The following CR1 variants were observed in gnomAD, a reference collection of about 807,000 sequenced individuals.
The protein encoded by CR1 is complement receptor type 1.
Under a neutral mutation model 187.3 loss-of-function variants are expected in CR1, and 116 were observed. The observed-to-expected ratio is 0.62, with a 90% CI of 0.53 to 0.72. The LOEUF is 0.72. Ranked by LOEUF, CR1 falls within the 30% of genes least tolerant of loss-of-function variation. The pLI is 0.00. For synonymous variants in CR1, 576 were observed against 747.1 expected (o/e 0.77, Z 3.73); for missense variants, 1,731 against 2,110.7 (o/e 0.82, Z 3.52).
intron 4 of CR1, among the ~76,000 whole-genome samples, chr1:207,515,315 TACAC>T (rs1558221057): frequency 8.0e-5 from 12 of 149,500 alleles, no homozygotes; most frequent in African/African-American, 2.9e-4. Flanking sequence ...TATATATATA[TACAC>T]ATATATATAG....
chr1:207,627,152 C>A (rs1428904137), intron 45 of CR1, among the ~76,000 whole-genome samples: 1 of 152,194 alleles, frequency 6.6e-6, no homozygotes, highest in Non-Finnish European at 1.5e-5. Context: ...AAATGCTCCT[C>A]AAGGAGGTCT....
In CR1 at chr1:207,619,776, T is replaced by C. The variant is rs1253250935; in HGVS notation, c.7067-104T>C. 6 of 950,856 alleles carry C rather than the reference T, an allele frequency of 6.3e-6. No homozygotes were observed. The East Asian group carries it at 1.6e-4, about 25-fold the overall frequency. The allele number at this position is 950,856 out of a possible 1,614,324, so 58.9% of individuals were successfully genotyped here. On this transcript the variant is annotated intron_variant, in intron 42 of 46. Coordinates refer to ENST00000367049, the MANE Select transcript of CR1 (RefSeq NM_000651.6). ...ACATGTTTAAAAACATGCTTCCTCT[T>C]AGCCAAGGGCAAAATAGGTTTTGGC...
At chr1:207,608,679 G>A (rs1056216776) in intron 36 of CR1, among the ~76,000 whole-genome samples, 1 of 151,816 alleles carries the variant, frequency 6.6e-6, no homozygotes, top group Non-Finnish European at 1.5e-5. Flanking sequence ...ACCTTTTGTA[G>A]GGGGTTATCT....
At chr1:207,633,974 C>A (rs572070593) in intron 46 of CR1, among the ~76,000 whole-genome samples, 19 of 152,150 alleles carry the variant, frequency 1.2e-4, no homozygotes, top group South Asian at 6.2e-4. Context: ...AGTGGGGGAG[C>A]TTTTTGAGCC....
intron 36 of CR1, among the ~76,000 whole-genome samples, chr1:207,608,875 C>A (rs1402372911): frequency 1.3e-5 from 2 of 152,042 alleles, no homozygotes; most frequent in African/African-American, 4.8e-5. Flanking sequence ...ATTTCTCATG[C>A]CTTATCTTTT....
At chr1:207,619,742 A>G in intron 42 of CR1, 138 bp from the exon 43 acceptor site, 1 of 658,920 alleles carries the variant, frequency 1.5e-6, no homozygotes, top group Non-Finnish European at 2.6e-6. Flanking sequence ...TGGAGGAGGA[A>G]GATTAGTAAC....
intron 39 of CR1, among the ~76,000 whole-genome samples, chr1:207,613,980 G>A (rs1237648515): frequency 4.6e-5 from 7 of 152,088 alleles, no homozygotes; most frequent in Non-Finnish European, 7.4e-5. Context: ...TTACCAAATC[G>A]AGAGCTGTTC....
chr1:207,498,963 G>A (rs977187589), intron 1 of CR1, among the ~76,000 whole-genome samples: 2 of 141,976 alleles, frequency 1.4e-5, no homozygotes, highest in Non-Finnish European at 3.1e-5. Flanking sequence ...TAGAAACAGA[G>A]AACAAGAGAA....
At chr1:207,577,704 G>C in intron 28 of CR1, 101 bp from the exon 29 acceptor site, 13 of 1,541,082 alleles carry the variant, frequency 8.4e-6, no homozygotes, top group Non-Finnish European at 1.1e-5. Flanking sequence ...GGGAAGTAGA[G>C]GTTGCAGTTA....
intron 46 of CR1, 107 bp from the exon 47 acceptor site, chr1:207,639,290 T>C: frequency 9.9e-7 from 1 of 1,011,268 alleles, no homozygotes; most frequent in Non-Finnish European, 1.5e-6. Flanking sequence ...CTCCTGTTAT[T>C]GTGGAATAAA....
chr1:207,638,317 A>T (rs1465246529), intron 46 of CR1, among the ~76,000 whole-genome samples: 10 of 152,224 alleles, frequency 6.6e-5, no homozygotes. Context: ...ACAAGATAAT[A>T]AATGTTTTTT....
chr1:207,577,814 G>A lies in CR1; in HGVS notation c.4547G>A (p.Cys1516Tyr), dbSNP rs1660802572. Reference protein sequence around the residue: ...TKPPICQRIPCGLPPTIANGD... With the variant: ...TKPPICQRIPYGLPPTIANGD... Reference sequence around the variant, plus strand: ...GCTGTCTCTTTTCCAGGAATTCCTTGTGGGCTACCCCCAACCATCGCCAAT... The same window carrying A: ...GCTGTCTCTTTTCCAGGAATTCCTTATGGGCTACCCCCAACCATCGCCAAT... The change falls in exon 29 of 47, where the codon TGT becomes TAT. Residue 1516 changes from cysteine (C) to tyrosine (Y), a missense_variant. By Grantham distance (194) the Cys-to-Tyr change is radical. Transcript: ENST00000367049. The A allele has an allele frequency of 1.2e-6, 2 of 1,613,702 alleles. No homozygotes were observed. Among genetic ancestry groups the A allele is most frequent in the East Asian group, 2.2e-5 (1 of 44,878 alleles).
chr1:207,602,706 T>G (rs932105531), intron 35 of CR1, among the ~76,000 whole-genome samples: 4 of 151,828 alleles, frequency 2.6e-5, no homozygotes, highest in Admixed American at 1.3e-4. Context: ...TAGATATAGA[T>G]AGAGAGAGAG....
intron 4 of CR1, among the ~76,000 whole-genome samples, chr1:207,514,159 A>C (rs1028816250): frequency 1.3e-5 from 2 of 152,182 alleles, no homozygotes; most frequent in Non-Finnish European, 1.5e-5. Flanking sequence ...AATGATTTTA[A>C]ATTTCAATTT....
intron 35 of CR1, chr1:207,606,675 G>T (rs534778357): frequency 1.3e-5 from 2 of 152,128 alleles, no homozygotes; most frequent in African/African-American, 2.4e-5. Flanking sequence ...AATGTTCTAC[G>T]TTTTGTGGCC....
chr1:207,616,148 A>G (rs1662087679), intron 40 of CR1, among the ~76,000 whole-genome samples: 1 of 152,218 alleles, frequency 6.6e-6, no homozygotes, highest in African/African-American at 2.4e-5. Context: ...ACATTGCTAA[A>G]GATGATAGCT....
intron 35 of CR1, among the ~76,000 whole-genome samples, chr1:207,597,133 C>CAA (rs535152842): frequency 4.3e-5 from 6 of 138,048 alleles, no homozygotes; most frequent in African/African-American, 1.5e-4. Context: ...CTATGTATTA[C>CAA]AAAAAAAAAA....
intron 33 of CR1, among the ~76,000 whole-genome samples, chr1:207,586,742 G>A (rs1661122234): frequency 6.6e-6 from 1 of 152,096 alleles, no homozygotes; most frequent in African/African-American, 2.4e-5. Flanking sequence ...TTTCCCCTGT[G>A]TCTCTATATG....
intron 36 of CR1, among the ~76,000 whole-genome samples, chr1:207,608,994 T>A (rs190073708): frequency 6.6e-6 from 1 of 152,296 alleles, no homozygotes; most frequent in Admixed American, 6.5e-5. Context: ...CAGCAATAGA[T>A]AAGTACCTTA....
Sources: allele counts gnomAD v4.1 joint callset (sites outside exome capture counted in the v4.1 genomes callset), GRCh38; gene constraint gnomAD v4.1.1; transcripts MANE v1.5; gene names NCBI Gene and HGNC (gene_info 2026-07-23, HGNC 2026-07-21).